The following CAMK1 variants were observed in gnomAD, a reference collection of about 807,000 sequenced individuals.
CAMK1 encodes the protein calcium/calmodulin-dependent protein kinase type 1.
In CAMK1, 39 loss-of-function variants were observed where a neutral mutation model predicts 49.1. That is an observed-to-expected ratio of 0.79 (90% CI 0.62 to 1.04). The LOEUF (loss-of-function observed/expected upper bound fraction) is 1.04, where lower values mean the gene tolerates loss of function less well. Ranked by LOEUF, CAMK1 falls within the 50% of genes least tolerant of loss-of-function variation. The pLI is 0.00. For synonymous variants in CAMK1, 192 were observed against 185.2 expected, an observed-to-expected ratio of 1.04 and a Z score of -0.30; for missense variants, 457 against 472.2, an observed-to-expected ratio of 0.97 and a Z score of 0.30.
chr3:9,761,225 C>T lies in CAMK1; in HGVS notation c.632+236G>A, dbSNP rs928468405. 19 of 464,312 alleles carry T rather than the reference C, an allele frequency of 4.1e-5. 1 individual carries two copies. The South Asian group carries it at 7.0e-4, about 17-fold the overall frequency. The allele number at this position is 464,312 out of a possible 1,614,324, so 28.8% of individuals were successfully genotyped here. On this transcript the variant is annotated intron_variant, in intron 7 of 11. Coordinates refer to ENST00000256460, the MANE Select transcript of CAMK1 (RefSeq NM_003656.5). ...TCCCTACTAGAAAGAAAGTCAGCTC[C>T]CTGAGGGCAGGCACTTTGTCTGGTT...
rs868547975 is a variant in CAMK1, at chr3:9,757,472, G to A, written c.*67C>T. On this transcript the variant is annotated 3_prime_UTR_variant, in exon 12 of 12. Transcript: ENST00000256460. The surrounding 1 kb of genome is among the most constrained non-coding windows in gnomAD (Gnocchi z 4.5). ...AGGGCAGAGAAACTCCCGGTTCAGG[G>A]AGGGAAGGGGAGCAGGCTGCCCCCA... 6.2e-7 allele frequency: 1 copy of A among 1,602,964 alleles called. No homozygotes were observed. The highest frequency in any genetic ancestry group is 8.5e-7 in the Non-Finnish European group (1 of 1,172,888).
At chr3:9,761,041 C>T (rs1038495652) in intron 7 of CAMK1, 4 of 439,236 alleles carry the variant, frequency 9.1e-6, no homozygotes, top group Admixed American at 7.5e-5. Context: ...CTGGCTCCCT[C>T]ACCACTCGGT....
chr3:9,764,617 G>GTTT (rs202012854), intron 3 of CAMK1, among the ~76,000 whole-genome samples: 12 of 93,460 alleles, frequency 1.3e-4, no homozygotes, highest in South Asian at 3.8e-4. Flanking sequence ...TGGCGTTTTT[G>GTTT]TTTTTTTTTT....
At chr3:9,759,077 C>G (rs1434626981) in intron 10 of CAMK1, 1 of 907,734 alleles carries the variant, frequency 1.1e-6, no homozygotes, top group African/African-American at 1.6e-5. Flanking sequence ...GGGCTCCTGC[C>G]TCTCAGTCCC....
chr3:9,764,547 G>C (rs1410736356), intron 3 of CAMK1, among the ~76,000 whole-genome samples: 1 of 151,366 alleles, frequency 6.6e-6, no homozygotes, highest in Non-Finnish European at 1.5e-5. Flanking sequence ...CCCCACCTCA[G>C]GTGATCTGCC....
At position 9,759,534 on chromosome 3, in the gene CAMK1, G is replaced by T; in HGVS notation, c.866C>A (p.Ser289Ter). The T allele has an allele frequency of 6.2e-7, 1 of 1,614,102 alleles. No homozygotes were observed. Among genetic ancestry groups the T allele is most frequent in the South Asian group, 1.1e-5 (1 of 91,070 alleles). The change falls in exon 10 of 12, where the codon TCG becomes TAG. Residue 289 changes from serine (S) to a stop codon, truncating the protein, a stop_gained. Coordinates refer to ENST00000256460, the MANE Select transcript of CAMK1 (RefSeq NM_003656.5). LOFTEE classifies it high-confidence loss of function. ...GTTCTTCTTGATCTGCTCACTCACCGACTGGTGGATATTCTTATCTAGAGC... is the reference window on the plus strand; with the variant it reads ...GTTCTTCTTGATCTGCTCACTCACCTACTGGTGGATATTCTTATCTAGAGC... ...DTALDKNIHQ[S>*]VSEQIKKNFA...
At chr3:9,767,455 T>A (rs1276517233) in intron 2 of CAMK1, among the ~76,000 whole-genome samples, 4 of 152,324 alleles carry the variant, frequency 2.6e-5, no homozygotes, top group African/African-American at 9.6e-5. Flanking sequence ...CTCGACTTCT[T>A]TCTCTTCAAG....
chr3:9,767,740 C>A lies in CAMK1; in HGVS notation c.10G>T (p.Ala4Ser). The part of the protein sequence containing the change: MLG[A>S]VEGPRWKQAE... ...TGCTTCCACCTGGGGCCTTCCACTGCCCCCAGCATGGCCCACTGCCCCCCG... is the reference window on the plus strand; with the variant it reads ...TGCTTCCACCTGGGGCCTTCCACTGACCCCAGCATGGCCCACTGCCCCCCG... The change falls in exon 2 of 12, where the codon GCA (alanine) becomes TCA (serine). Residue 4 changes from alanine to serine, a missense_variant. Ala to Ser is a moderately conservative substitution (Grantham distance 99). Coordinates refer to ENST00000256460, the MANE Select transcript of CAMK1 (RefSeq NM_003656.5). The A allele has an allele frequency of 6.2e-7, 1 of 1,613,996 alleles. No individual in the cohort carries two copies. Among genetic ancestry groups the A allele is most frequent in the Non-Finnish European group, 8.5e-7 (1 of 1,179,972 alleles).
chr3:9,766,677 G>A (rs1297230488), intron 2 of CAMK1: 2 of 1,019,664 alleles, frequency 2.0e-6, no homozygotes, highest in African/African-American at 3.5e-5. Flanking sequence ...GGATTTGCTA[G>A]GGTATTCTTT....
In CAMK1 at chr3:9,760,773, G is replaced by C; in HGVS notation, c.633-5C>G. ...AAGGGAGGGTAACCGCAGAGCCTGG[G>C]CAGGGAGAAACTCATCCTCATTTCC... On this transcript the variant is annotated splice_polypyrimidine_tract_variant and splice_region_variant and intron_variant, in intron 7 of 11. Coordinates refer to ENST00000256460, the MANE Select transcript of CAMK1 (RefSeq NM_003656.5). The C allele has an allele frequency of 6.2e-7, 1 of 1,614,016 alleles. No homozygotes were observed. Among genetic ancestry groups the C allele is most frequent in the Non-Finnish European group, 8.5e-7 (1 of 1,179,918 alleles).
Position 9,757,932 on chromosome 3 carries a change from C to A in CAMK1, c.913-86G>T. On this transcript the variant is annotated intron_variant, in intron 10 of 11. Transcript: ENST00000256460. This position sits in a 1 kb window ranked among gnomAD's most constrained non-coding sequence, Gnocchi z 4.5. ...GGGCAGGGGCGCAGTGGGATTCTTG[C>A]AATTGTTCTGTTATTTTCATTCAGG... is the stretch of plus-strand genomic sequence containing the variant. 1.3e-6 allele frequency: 2 copies of A among 1,514,546 alleles called. No homozygotes were observed. The highest frequency in any genetic ancestry group is 2.3e-5 in the East Asian group (1 of 43,820). The allele number at this position is 1,514,546 out of a possible 1,614,324, so 93.8% of individuals were successfully genotyped here.
At chr3:9,761,133 T>A (rs541808260) in intron 7 of CAMK1, 4 of 334,878 alleles carry the variant, frequency 1.2e-5, no homozygotes, top group African/African-American at 6.3e-5. Context: ...TTGGTTTTTC[T>A]CCACAGTATT....
chr3:9,760,597 A>G (rs2077810867), intron 8 of CAMK1, 59 bp downstream of exon 8: 1 of 1,565,190 alleles, frequency 6.4e-7, no homozygotes, highest in Admixed American at 1.7e-5. Flanking sequence ...CCGCCCCCAA[A>G]GCAGGTGAGG....
chr3:9,764,058 C>T (rs937418989), intron 3 of CAMK1, among the ~76,000 whole-genome samples: 10 of 152,186 alleles, frequency 6.6e-5, no homozygotes, highest in East Asian at 1.9e-4. Flanking sequence ...ATAAGCTCCC[C>T]GAATCCAGAG....
rs2125602263 is a variant in CAMK1 at position 9,769,832 on chromosome 3, C to T, written c.-33G>A. 1 of 152,388 alleles carries T rather than the reference C, an allele frequency of 6.6e-6. No individual in the cohort carries two copies. The highest frequency in any genetic ancestry group is 1.9e-4 in the East Asian group (1 of 5,170). The allele number at this position is 152,388 out of a possible 1,614,324, so 9.4% of individuals were successfully genotyped here. A position where few individuals can be genotyped will look rare whatever the true frequency, so the allele number is the denominator to read the frequency against. ...GCAGGGATGGGGGGCCCGGCTGTAC[C>T]TGCGGCTGCCCCGCCGCGGGGCTGG... On this transcript the variant is annotated splice_region_variant and 5_prime_UTR_variant, in exon 1 of 12. Transcript: ENST00000256460.
chr3:9,757,678 G>A lies in CAMK1; in HGVS notation c.1030+51C>T, dbSNP rs751911458. 27 of 1,613,912 alleles carry A rather than the reference G, an allele frequency of 1.7e-5. 1 individual carries two copies. The highest frequency in any genetic ancestry group is 4.5e-5 in the East Asian group (2 of 44,886). The stretch of plus-strand genomic sequence containing the variant: ...AGGGGCAGGCCCTCCACTCCAGCCC[G>A]GGTGCACCTTTGTGGACCACCCATG... On this transcript the variant is annotated intron_variant, in intron 11 of 11. Coordinates refer to ENST00000256460, the MANE Select transcript of CAMK1 (RefSeq NM_003656.5). The surrounding 1 kb of genome is among the most constrained non-coding windows in gnomAD (Gnocchi z 4.5).
At chr3:9,764,329 C>T (rs2125587669) in intron 3 of CAMK1, among the ~76,000 whole-genome samples, 1 of 152,060 alleles carries the variant, frequency 6.6e-6, no homozygotes, top group South Asian at 2.1e-4. Flanking sequence ...GAGTTTTACT[C>T]TTGTTGCTCA....
intron 8 of CAMK1, 109 bp from the exon 9 acceptor site, chr3:9,759,859 C>G: frequency 2.5e-6 from 4 of 1,587,844 alleles, no homozygotes; most frequent in Non-Finnish European, 3.4e-6. Flanking sequence ...GACAAAGAGG[C>G]CAAATCAGTC....
At position 9,767,636 on chromosome 3, in the gene CAMK1, CATCCAGCACCCA is replaced by C; in HGVS notation, c.83+19_83+30del. 1 of 1,613,770 alleles carries C rather than the reference CATCCAGCACCCA, an allele frequency of 6.2e-7. No homozygotes were observed. The highest frequency in any genetic ancestry group is 8.5e-7 in the Non-Finnish European group (1 of 1,179,750). ...CACCCTGGACTCAGCCTCCCTCAGC[CATCCAGCACCCA>C]ATCCTGCCCTGGACTCACGTGCCCA... On this transcript the variant is annotated intron_variant, in intron 2 of 11. Transcript: ENST00000256460.
Sources: gnomAD v4.1 joint callset for allele counts (sites outside exome capture counted in the v4.1 genomes callset) on GRCh38, gnomAD v4.1.1 for gene constraint, Gnocchi (gnomAD v3.1) non-coding constraint, MANE v1.5 for transcripts, NCBI Gene and HGNC (gene_info 2026-07-23, HGNC 2026-07-21) for gene names.